MOGAT2: variants seen among roughly 807,000 people sequenced by gnomAD.
The protein encoded by MOGAT2 is 2-acylglycerol O-acyltransferase 2.
MOGAT2 carries 27 observed loss-of-function variants against 31.5 expected under a neutral mutation model. That is an observed-to-expected ratio of 0.86 (90% CI 0.63 to 1.18). MOGAT2 has a LOEUF of 1.18. Among genes scored for constraint, MOGAT2 ranks in the 50% most tolerant of loss-of-function variants. The probability of loss-of-function intolerance (pLI) is 0.00; values close to 1 mark genes in which losing one functional copy is unlikely to be tolerated. For missense variants in MOGAT2, 436 were observed against 433.2 expected, an observed-to-expected ratio of 1.01 and a Z score of -0.06; for synonymous variants, 163 against 170.0, an observed-to-expected ratio of 0.96 and a Z score of 0.32.
At position 75,717,913 on chromosome 11, in the gene MOGAT2, A is replaced by G. The variant is rs554202; in HGVS notation, c.25A>G (p.Met9Val). 705,766 of 1,613,620 alleles carry G rather than the reference A, an allele frequency of 0.44. 158,059 individuals carry two copies. Among genetic ancestry groups the G allele is most frequent in the Middle Eastern group, 0.47 (2,872 of 6,060 alleles). Residue 9 changes from methionine to valine, a missense_variant, in exon 1 of 6, where the codon ATG (methionine) becomes GTG (valine). By Grantham distance (21) the Met-to-Val change is conservative (BLOSUM62 1). Coordinates refer to ENST00000198801, the MANE Select transcript of MOGAT2 (RefSeq NM_025098.4). ...CATGGTAGAGTTCGCGCCCTTGTTT[A>G]TGCCGTGGGAGCGCAGGCTGCAGAC... MVEFAPLF[M>V]PWERRLQTLA...
At chr11:75,718,122 G>A (rs1944345900) in intron 1 of MOGAT2, 143 bp downstream of exon 1, 1 of 863,442 alleles carries the variant, frequency 1.2e-6, no homozygotes, top group African/African-American at 1.7e-5. Context: ...CCTGCCCAGA[G>A]AGAACTCCTG....
intron 4 of MOGAT2, 51 bp from the exon 5 acceptor site, chr11:75,728,739 G>C: frequency 6.6e-7 from 1 of 1,526,194 alleles, no homozygotes; most frequent in Non-Finnish European, 9.0e-7. Flanking sequence ...CTTTCAGCTC[G>C]TGCCTTCTCT....
At chr11:75,727,924 C>A in intron 3 of MOGAT2, 46 bp from the exon 4 acceptor site, 1 of 1,530,706 alleles carries the variant, frequency 6.5e-7, no homozygotes, top group Non-Finnish European at 8.8e-7. Context: ...CTTTCATAGC[C>A]CCTGCTCCCT....
chr11:75,729,109 C>A, intron 5 of MOGAT2, 120 bp downstream of exon 5: 1 of 904,146 alleles, frequency 1.1e-6, no homozygotes, highest in Non-Finnish European at 1.7e-6. Context: ...ACATTCTAGA[C>A]TGGGAAACAT....
chr11:75,728,752 G>C lies in MOGAT2; in HGVS notation c.651-38G>C, dbSNP rs1421080186. The C allele has an allele frequency of 7.0e-6, 11 of 1,580,118 alleles. No homozygotes were observed. The South Asian group carries it at 1.1e-4, about 16-fold the overall frequency. ...GCCTTTCAGCTCGTGCCTTCTCTGG[G>C]GCCTCCCACATGCCCTCTTTCCTCT... On this transcript the variant is annotated intron_variant, in intron 4 of 5. Coordinates refer to ENST00000198801, the MANE Select transcript of MOGAT2 (RefSeq NM_025098.4).
intron 2 of MOGAT2, among the ~76,000 whole-genome samples, chr11:75,723,162 A>G (rs1384220140): frequency 1.3e-5 from 2 of 151,714 alleles, no homozygotes; most frequent in Non-Finnish European, 2.9e-5. Flanking sequence ...GGATTTCACC[A>G]TGTTGGCCAG....
At chr11:75,723,326 G>A (rs776285102) in intron 2 of MOGAT2, among the ~76,000 whole-genome samples, 14 of 151,954 alleles carry the variant, frequency 9.2e-5, no homozygotes, top group Non-Finnish European at 1.3e-4. Context: ...ACCATCTGCC[G>A]AGGGTGACAA....
chr11:75,722,808 C>T (rs928022642), intron 2 of MOGAT2, among the ~76,000 whole-genome samples: 9 of 152,242 alleles, frequency 5.9e-5, no homozygotes, highest in African/African-American at 1.7e-4. Flanking sequence ...GGCAGCTCTG[C>T]GCCTACCCTA....
In MOGAT2 at chr11:75,729,751, TTG is replaced by T. The variant is rs1555053894; in HGVS notation, c.850+764_850+765del. Among the ~76,000 whole-genome samples, 147 of 133,862 alleles carry T rather than the reference TTG, an allele frequency of 1.1e-3. 13 individuals are homozygous for T. Among genetic ancestry groups the T allele is most frequent in the Non-Finnish European group, 1.5e-3 (100 of 65,960 alleles). 87.8% of individuals were successfully genotyped at this position (133,862 alleles called of 152,430 possible). A position where few individuals can be genotyped will look rare whatever the true frequency, so the allele number is the denominator to read the frequency against. On this transcript the variant is annotated intron_variant, in intron 5 of 5. Transcript: ENST00000198801. ...AGGAGGGTTTAATTCTTTTTTTTTT[TTG>T]TTTTTTTTTGAGACAGAGTCCTGCT...
chr11:75,722,618 G>A (rs1466534580), intron 2 of MOGAT2, among the ~76,000 whole-genome samples: 1 of 152,250 alleles, frequency 6.6e-6, no homozygotes, highest in African/African-American at 2.4e-5. Flanking sequence ...CTGCAGAGGA[G>A]GCTGGGGAGG....
In MOGAT2 at chr11:75,717,898, T is replaced by G; in HGVS notation, c.10T>G (p.Phe4Val). Reference sequence around the variant, plus strand: ...AGGCTGACCCGCCAGCATGGTAGAGTTCGCGCCCTTGTTTATGCCGTGGGA... The same window carrying G: ...AGGCTGACCCGCCAGCATGGTAGAGGTCGCGCCCTTGTTTATGCCGTGGGA... MVE[F>V]APLFMPWERR... Residue 4 changes from phenylalanine to valine, a missense_variant, in exon 1 of 6, where the codon TTC (phenylalanine) becomes GTC (valine). Transcript: ENST00000198801. 1.2e-6 allele frequency: 2 copies of G among 1,614,012 alleles called. No homozygotes were observed. The highest frequency in any genetic ancestry group is 1.7e-6 in the Non-Finnish European group (2 of 1,179,956).
intron 5 of MOGAT2, chr11:75,730,891 GGCTACAGA>G (rs1308256760): frequency 9.9e-6 from 3 of 303,786 alleles, no homozygotes; most frequent in Non-Finnish European, 1.8e-5. Context: ...CTCCAGCCTG[GGCTACAGA>G]GCGAGACTCT....
intron 5 of MOGAT2, among the ~76,000 whole-genome samples, chr11:75,729,737 A>ATT (rs1590844076): frequency 3.0e-5 from 3 of 101,440 alleles, no homozygotes; most frequent in East Asian, 3.2e-4. Context: ...GGAGGGTTTA[A>ATT]TTCTTTTTTT....
At chr11:75,731,084 AG>A (rs755283294) in intron 5 of MOGAT2, 47 bp from the exon 6 acceptor site, 11 of 1,575,244 alleles carry the variant, frequency 7.0e-6, no homozygotes, top group Non-Finnish European at 9.5e-6. Flanking sequence ...ACCTGCACCG[AG>A]GGTCCCTTGC....
chr11:75,720,382 G>C (rs969956921), intron 2 of MOGAT2, among the ~76,000 whole-genome samples: 4 of 152,212 alleles, frequency 2.6e-5, no homozygotes. Flanking sequence ...GGGATGCGGG[G>C]CCAATATGTG....
At chr11:75,726,848 G>A (rs907570132) in intron 2 of MOGAT2, among the ~76,000 whole-genome samples, 4 of 151,810 alleles carry the variant, frequency 2.6e-5, no homozygotes, top group Admixed American at 6.6e-5. Context: ...ACAGGTGCCC[G>A]CCACCACGCC....
rs1253357728 is a variant in MOGAT2, at chr11:75,730,916, A to G, written c.851-216A>G. 4 of 258,032 alleles carry G rather than the reference A, an allele frequency of 1.6e-5. No individual in the cohort carries two copies. In the Admixed American group the frequency reaches 1.6e-4, roughly 11 times the overall value. 16.0% of individuals were successfully genotyped at this position (258,032 alleles called of 1,614,324 possible). A position where few individuals can be genotyped will look rare whatever the true frequency, so the allele number is the denominator to read the frequency against. ...GGCTACAGAGCGAGACTCTACCTCA[A>G]AAAAAAAAAAAAAGAAAAGAAAAGA... On this transcript the variant is annotated intron_variant, in intron 5 of 5. Transcript: ENST00000198801.
Position 75,731,547 on chromosome 11 carries a change from G to A in MOGAT2, c.*261G>A. 5.4e-6 allele frequency: 2 copies of A among 367,322 alleles called. No individual in the cohort carries two copies. The highest frequency in any genetic ancestry group is 4.6e-6 in the Non-Finnish European group (1 of 217,586). 22.8% of individuals were successfully genotyped at this position (367,322 alleles called of 1,614,324 possible). A position where few individuals can be genotyped will look rare whatever the true frequency, so the allele number is the denominator to read the frequency against. ...CACTGGGCCCCTCTCTATATTGAGT[G>A]GTCTGTTAACATTCATTGGTGGCTG... On this transcript the variant is annotated 3_prime_UTR_variant, in exon 6 of 6. Coordinates refer to ENST00000198801, the MANE Select transcript of MOGAT2 (RefSeq NM_025098.4).
At chr11:75,727,359 G>A in intron 2 of MOGAT2, 76 bp from the exon 3 acceptor site, 1 of 1,441,070 alleles carries the variant, frequency 6.9e-7, no homozygotes, top group Non-Finnish European at 9.5e-7. Context: ...GGTTTCCCAA[G>A]GTCACACCAG....
Sources: gnomAD v4.1 joint callset for allele counts (sites outside exome capture counted in the v4.1 genomes callset) on GRCh38, gnomAD v4.1.1 for gene constraint, MANE v1.5 for transcripts, NCBI Gene and HGNC (gene_info 2026-07-23, HGNC 2026-07-21) for gene names.